Variants in MYOM1 observed in about 807,000 individuals in gnomAD.
MYOM1 encodes the protein myomesin 1, also known as myomesin-1.
MYOM1 carries 164 observed loss-of-function variants against 205.3 expected under a neutral mutation model. That is an observed-to-expected ratio of 0.80 (90% CI 0.70 to 0.91). MYOM1 has a LOEUF of 0.91. MYOM1 is among the 40% of genes least tolerant of loss of function. MYOM1 has a pLI of 0.00. For missense variants in MYOM1, 2,011 were observed against 2,127.3 expected (o/e 0.95, Z 1.08); for synonymous variants, 772 against 789.4 (o/e 0.98, Z 0.37).
At chr18:3,099,723 A>T (rs896964146) in intron 25 of MYOM1, among the ~76,000 whole-genome samples, 1 of 152,252 alleles carries the variant, frequency 6.6e-6, no homozygotes, top group Non-Finnish European at 1.5e-5. Flanking sequence ...TGAAAATGGT[A>T]GGCACTGTCT....
At chr18:3,078,565 G>A (rs2143657654) in intron 34 of MYOM1, among the ~76,000 whole-genome samples, 1 of 152,156 alleles carries the variant, frequency 6.6e-6, no homozygotes, top group South Asian at 2.1e-4. Flanking sequence ...GAGTAGTAGG[G>A]ATTATAGGCA....
At position 3,199,114 on chromosome 18, in the gene MYOM1, T is replaced by A. The variant is rs562946410; in HGVS notation, c.291-5156A>T. Among the ~76,000 whole-genome samples, 626 of 152,238 alleles carry A rather than the reference T, an allele frequency of 4.1e-3. 5 individuals are homozygous for A. Among genetic ancestry groups the A allele is most frequent in the Middle Eastern group, 0.01 (3 of 294 alleles). On this transcript the variant is annotated intron_variant, in intron 2 of 37. Coordinates refer to ENST00000356443, the MANE Select transcript of MYOM1 (RefSeq NM_003803.4). ...GTCATTCCTGCCTAGGCTTCTCCCA[T>A]CCCTTACCCCCAGCTTAGTCCATAA...
At chr18:3,155,753 G>A (rs899424009) in intron 10 of MYOM1, among the ~76,000 whole-genome samples, 4 of 152,144 alleles carry the variant, frequency 2.6e-5, no homozygotes, top group African/African-American at 7.2e-5. Flanking sequence ...ATTGTGCAAC[G>A]TTGCTAAGAA....
intron 21 of MYOM1, among the ~76,000 whole-genome samples, chr18:3,115,754 G>A (rs1475070940): frequency 6.6e-6 from 1 of 152,196 alleles, no homozygotes; most frequent in Non-Finnish European, 1.5e-5. Flanking sequence ...TTGGCCAACA[G>A]AGTTAGGAAA....
At chr18:3,073,501 A>C (rs1413329039) in intron 36 of MYOM1, among the ~76,000 whole-genome samples, 4 of 152,252 alleles carry the variant, frequency 2.6e-5, no homozygotes, top group Non-Finnish European at 5.9e-5. Context: ...TCTACTGCTA[A>C]TTCCATCATG....
the MYOM1 span, among the ~76,000 whole-genome samples, chr18:3,233,405 C>A: frequency 6.6e-6 from 1 of 152,184 alleles, no homozygotes; most frequent in African/African-American, 2.4e-5. Flanking sequence ...ATTGAGAGTA[C>A]AAACAGAGTA....
intron 4 of MYOM1, among the ~76,000 whole-genome samples, chr18:3,188,468 C>A (rs1375394179): frequency 2.9e-5 from 4 of 136,994 alleles, no homozygotes; most frequent in South Asian, 4.5e-4. Context: ...AAAAAAAAAA[C>A]AACAACGAAA....
Position 3,102,643 on chromosome 18 carries a change from A to G in MYOM1, c.3419-13T>C, listed in dbSNP as rs772708095. On this transcript the variant is annotated splice_polypyrimidine_tract_variant and intron_variant, in intron 22 of 37. Transcript: ENST00000356443. ...ACCTCTTTGGTTCCTACAAGATCAAAAAGAAGGCACTGATACTTCGTGGAG... is the reference window on the plus strand; with the variant it reads ...ACCTCTTTGGTTCCTACAAGATCAAGAAGAAGGCACTGATACTTCGTGGAG... 1.2e-6 allele frequency: 2 copies of G among 1,609,014 alleles called. No homozygotes were observed. The highest frequency in any genetic ancestry group is 2.2e-5 in the South Asian group (2 of 90,252).
At chr18:3,234,443 A>G in the MYOM1 span, among the ~76,000 whole-genome samples, 1 of 152,364 alleles carries the variant, frequency 6.6e-6, no homozygotes, top group Non-Finnish European at 1.5e-5. Context: ...ACATCTATAC[A>G]GGACATGTTA....
At chr18:3,071,285 G>C (rs1340420350) in intron 37 of MYOM1, among the ~76,000 whole-genome samples, 4 of 152,160 alleles carry the variant, frequency 2.6e-5, no homozygotes, top group African/African-American at 9.7e-5. Context: ...AAGATACTAA[G>C]TGGTCTACAT....
At chr18:3,233,680 T>C in the MYOM1 span, among the ~76,000 whole-genome samples, 24 of 152,204 alleles carry the variant, frequency 1.6e-4, no homozygotes, top group Non-Finnish European at 2.5e-4. Flanking sequence ...TGACAAGTCA[T>C]ATGAATGGAA....
In MYOM1 at chr18:3,215,068, G is replaced by T. The variant is rs771436565; in HGVS notation, c.156C>A (p.Ala52=). 1.2e-6 allele frequency: 2 copies of T among 1,613,512 alleles called. No homozygotes were observed. The highest frequency in any genetic ancestry group is 2.2e-5 in the South Asian group (2 of 91,072). Residue 52 remains alanine, a synonymous_variant, in exon 2 of 38, where the codon GCC becomes GCA. Coordinates refer to ENST00000356443, the MANE Select transcript of MYOM1 (RefSeq NM_003803.4). The part of the protein sequence containing the change: ...GSTAYSSRSS[A]AHRRESEAFR... ...AGGCCTCGGACTCCCGGCGGTGCGC[G>T]GCGGAGGAGCGGCTGCTGTAGGCCG...
intron 2 of MYOM1, among the ~76,000 whole-genome samples, chr18:3,208,895 G>A (rs2081158286): frequency 6.6e-6 from 1 of 152,208 alleles, no homozygotes; most frequent in Non-Finnish European, 1.5e-5. Context: ...CTCCTCAAGT[G>A]TTGGGATTAC....
Position 3,129,501 on chromosome 18 carries a change from T to G in MYOM1, c.2525A>C (p.Asp842Ala). Reference sequence around the variant, plus strand: ...CTCATCGCTCAGTGCGGGACACACATCTGGAGACACTCCTCCCCCTACAGT... The same window carrying G: ...CTCATCGCTCAGTGCGGGACACACAGCTGGAGACACTCCTCCCCCTACAGT... ...KAAIGGGVSP[D>A]VCPALSDEPG... Residue 842 changes from aspartate to alanine, a missense_variant, in exon 18 of 38, where the codon GAT becomes GCT. Coordinates refer to ENST00000356443, the MANE Select transcript of MYOM1 (RefSeq NM_003803.4). 1 of 1,611,704 alleles carries G rather than the reference T, an allele frequency of 6.2e-7. No individual in the cohort carries two copies. The highest frequency in any genetic ancestry group is 8.5e-7 in the Non-Finnish European group (1 of 1,178,362).
At chr18:3,120,313 T>C (rs2079669368) in intron 19 of MYOM1, among the ~76,000 whole-genome samples, 1 of 152,174 alleles carries the variant, frequency 6.6e-6, no homozygotes, top group African/African-American at 2.4e-5. Context: ...TTATCCTGGA[T>C]GGGCCTGATG....
rs530926994 is a variant in MYOM1, at chr18:3,191,944, C to T, written c.431+1874G>A. Among the ~76,000 whole-genome samples the T allele has an allele frequency of 1.5e-3, 222 of 152,180 alleles. 1 individual carries two copies. The highest frequency in any genetic ancestry group is 5.1e-3 in the African/African-American group (212 of 41,474). On this transcript the variant is annotated intron_variant, in intron 3 of 37. Coordinates refer to ENST00000356443, the MANE Select transcript of MYOM1 (RefSeq NM_003803.4). ...ATCTCCTGACATTGTGATCTGCCCG[C>T]CTCAGCCTCCCAAAGTGCTGGAATT... is the stretch of plus-strand genomic sequence containing the variant.
At chr18:3,070,736 TTGTGTGTG>T (rs57044157) in intron 37 of MYOM1, among the ~76,000 whole-genome samples, 30,288 of 146,078 alleles carry the variant, frequency 0.21, 3,278 homozygotes, top group Middle Eastern at 0.26. Context: ...TGCATGTTCT[TTGTGTGTG>T]TGTGTGTGTG....
Position 3,079,965 on chromosome 18 carries a change from CATGCAATAT to C in MYOM1, c.4485-632_4485-624del, listed in dbSNP as rs2079065787. 5.3e-5 allele frequency among the ~76,000 whole-genome samples: 8 copies of C among 152,248 alleles called. No individual in the cohort carries two copies. The South Asian group carries it at 1.7e-3, about 32-fold the overall frequency. Reference sequence around the variant, plus strand: ...TTCTACAGTAGGTCATGAGCAGACCCATGCAATATATTCTCTGCAAGAGAATATTAGGAA... The same window carrying C: ...TTCTACAGTAGGTCATGAGCAGACCCATTCTCTGCAAGAGAATATTAGGAA... On this transcript the variant is annotated intron_variant, in intron 33 of 37. Coordinates refer to ENST00000356443, the MANE Select transcript of MYOM1 (RefSeq NM_003803.4).
intron 10 of MYOM1, among the ~76,000 whole-genome samples, chr18:3,160,174 TTCTC>T (rs935825836): frequency 3.3e-5 from 5 of 150,976 alleles, no homozygotes; most frequent in Non-Finnish European, 7.4e-5. Context: ...CCTTTTCTTC[TTCTC>T]TCTCTCTTTT....
Sources: gnomAD v4.1 joint callset for allele counts (sites outside exome capture counted in the v4.1 genomes callset) on GRCh38, gnomAD v4.1.1 for gene constraint, MANE v1.5 for transcripts, NCBI Gene and HGNC (gene_info 2026-07-23, HGNC 2026-07-21) for gene names.